The following NXPH1 variants were observed in gnomAD, a reference collection of about 807,000 sequenced individuals.
NXPH1 encodes neurexophilin 1.
In NXPH1, 5 loss-of-function variants were observed where a neutral mutation model predicts 23.7. The ratio of observed to expected loss-of-function variants is 0.21; its 90% confidence interval spans 0.11 to 0.44. NXPH1 has a LOEUF of 0.44. Ranked by LOEUF, NXPH1 falls within the 20% of genes least tolerant of loss-of-function variation. The probability of loss-of-function intolerance (pLI) is 0.99; values close to 1 mark genes in which losing one functional copy is unlikely to be tolerated. For missense variants in NXPH1, 324 were observed against 321.6 expected (o/e 1.01, Z -0.06); for synonymous variants, 144 against 122.2 (o/e 1.18, Z -1.18).
chr7:8,752,116 A>C lies in NXPH1; in HGVS notation c.*347A>C, dbSNP rs1780575678. On this transcript the variant is annotated 3_prime_UTR_variant, in exon 3 of 3. Transcript: ENST00000405863. ...GTCTGACTCATAATGGTTCAGGATCAACTATCATCAAACGGAAGGATTAAC... is the reference window on the plus strand; with the variant it reads ...GTCTGACTCATAATGGTTCAGGATCCACTATCATCAAACGGAAGGATTAAC... 1 of 208,390 alleles carries C rather than the reference A, an allele frequency of 4.8e-6. No homozygotes were observed. Among genetic ancestry groups the C allele is most frequent in the Non-Finnish European group, 9.9e-6 (1 of 101,478 alleles). 12.9% of individuals were successfully genotyped at this position (208,390 alleles called of 1,614,324 possible).
chr7:8,726,285 T>C (rs868704651), intron 2 of NXPH1, among the ~76,000 whole-genome samples: 2 of 152,088 alleles, frequency 1.3e-5, no homozygotes, highest in African/African-American at 2.4e-5. Context: ...TTTTCTTTTT[T>C]TTTTTTTACA....
In NXPH1 at chr7:8,545,865, T is replaced by C. The variant is rs920827147; in HGVS notation, c.54+110098T>C. On this transcript the variant is annotated intron_variant, in intron 2 of 2. Transcript: ENST00000405863. ...CATCAAGCTCTCATACAAGTTAGCT[T>C]ATGGCCAAATGGTCTGACACAGGCA... 4.6e-5 allele frequency among the ~76,000 whole-genome samples: 7 copies of C among 151,526 alleles called. No homozygotes were observed. In the South Asian group the frequency reaches 1.2e-3, roughly 27 times the overall value.
intron 2 of NXPH1, among the ~76,000 whole-genome samples, chr7:8,497,400 T>C (rs915360799): frequency 2.6e-5 from 4 of 152,190 alleles, no homozygotes; most frequent in East Asian, 1.9e-4. Context: ...CTGGGTCAAA[T>C]GGTATTTCTA....
rs144549585 is a variant in NXPH1 at position 8,631,815 on chromosome 7, T to G, written c.55-119193T>G. Among the ~76,000 whole-genome samples, 203 of 152,294 alleles carry G rather than the reference T, an allele frequency of 1.3e-3. 3 individuals carry two copies. Among genetic ancestry groups the G allele is most frequent in the African/African-American group, 4.6e-3 (193 of 41,548 alleles). On this transcript the variant is annotated intron_variant, in intron 2 of 2. Transcript: ENST00000405863. ...TCTTTAATTTCTAACATTCTCTTAT[T>G]AGAAGCAAGTTATACCTTAGAAGTG...
At chr7:8,566,015 C>T (rs1254863474) in intron 2 of NXPH1, among the ~76,000 whole-genome samples, 2 of 151,790 alleles carry the variant, frequency 1.3e-5, no homozygotes, top group Non-Finnish European at 2.9e-5. Flanking sequence ...TTGGGGCACC[C>T]TGGTTACTCC....
In NXPH1 at chr7:8,571,018, TATCTAATCTAATCTAATCTAATCTA is replaced by T. The variant is rs35589510; in HGVS notation, c.54+135288_54+135312del. The stretch of plus-strand genomic sequence containing the variant: ...ATATATGTCTGTCTATCTGTCTGTC[TATCTAATCTAATCTAATCTAATCTA>T]ATCTAATCTAATCTAATCTAATCTA... On this transcript the variant is annotated intron_variant, in intron 2 of 2. Transcript: ENST00000405863. 3.5e-3 allele frequency among the ~76,000 whole-genome samples: 510 copies of T among 145,978 alleles called. 3 individuals are homozygous for T. The highest frequency in any genetic ancestry group is 0.012 in the East Asian group (59 of 4,840).
chr7:8,499,722 G>T (rs1282386642), intron 2 of NXPH1, among the ~76,000 whole-genome samples: 1 of 152,020 alleles, frequency 6.6e-6, no homozygotes, highest in Non-Finnish European at 1.5e-5. Context: ...GAGGCCTAAG[G>T]AGCTCTCAAA....
chr7:8,446,689 C>T (rs139315761), intron 2 of NXPH1, among the ~76,000 whole-genome samples: 1 of 152,124 alleles, frequency 6.6e-6, no homozygotes, highest in South Asian at 2.1e-4. Context: ...TACATTTTCT[C>T]ATTTATTCTG....
At chr7:8,582,534 T>G (rs895064432) in intron 2 of NXPH1, among the ~76,000 whole-genome samples, 27 of 152,138 alleles carry the variant, frequency 1.8e-4, no homozygotes, top group African/African-American at 6.3e-4. Context: ...AGAGGAGACC[T>G]GCAGTGGGTA....
At chr7:8,689,484 C>A (rs1425345542) in intron 2 of NXPH1, among the ~76,000 whole-genome samples, 1 of 152,112 alleles carries the variant, frequency 6.6e-6, no homozygotes, top group Non-Finnish European at 1.5e-5. Context: ...GTGGGGGATC[C>A]TCGCTATGCA....
chr7:8,647,826 C>G (rs376674567), intron 2 of NXPH1, among the ~76,000 whole-genome samples: 2 of 150,490 alleles, frequency 1.3e-5, no homozygotes, highest in African/African-American at 4.9e-5. Context: ...AGTAATTTGG[C>G]CATTTTATCC....
At chr7:8,518,499 C>G (rs890682427) in intron 2 of NXPH1, among the ~76,000 whole-genome samples, 1 of 151,976 alleles carries the variant, frequency 6.6e-6, no homozygotes, top group African/African-American at 2.4e-5. Context: ...GCTTTCCGTC[C>G]CCTTGTTTAT....
chr7:8,557,643 T>C (rs1818381379), intron 2 of NXPH1, among the ~76,000 whole-genome samples: 1 of 151,672 alleles, frequency 6.6e-6, no homozygotes, highest in Non-Finnish European at 1.5e-5. Context: ...TTATTTCCTT[T>C]AATGGTATTT....
intron 2 of NXPH1, among the ~76,000 whole-genome samples, chr7:8,733,122 C>T (rs189375423): frequency 3.0e-4 from 45 of 152,000 alleles, no homozygotes; most frequent in South Asian, 1.0e-3. Flanking sequence ...AGTGAGAACA[C>T]GTGGTGTTTT....
chr7:8,569,891 T>G (rs970288581), intron 2 of NXPH1, among the ~76,000 whole-genome samples: 5 of 151,900 alleles, frequency 3.3e-5, no homozygotes, highest in African/African-American at 1.2e-4. Flanking sequence ...TCTATGGGCA[T>G]TCACCTCTGT....
At chr7:8,614,166 T>C (rs1266810802) in intron 2 of NXPH1, among the ~76,000 whole-genome samples, 1 of 151,938 alleles carries the variant, frequency 6.6e-6, no homozygotes, top group Non-Finnish European at 1.5e-5. Flanking sequence ...ATTTATTGAC[T>C]CGTCTCCCTT....
At chr7:8,646,329 C>A (rs1157690468) in intron 2 of NXPH1, among the ~76,000 whole-genome samples, 1 of 152,096 alleles carries the variant, frequency 6.6e-6, no homozygotes, top group Non-Finnish European at 1.5e-5. Context: ...ACGTTTATCT[C>A]ATATCCGACA....
intron 2 of NXPH1, among the ~76,000 whole-genome samples, chr7:8,678,486 A>G (rs1820990735): frequency 6.6e-6 from 1 of 152,044 alleles, no homozygotes; most frequent in South Asian, 2.1e-4. Context: ...CTCCAGTTGC[A>G]TCCTAGCTTC....
intron 2 of NXPH1, among the ~76,000 whole-genome samples, chr7:8,700,917 GAAATA>G (rs1408621618): frequency 6.6e-6 from 1 of 151,970 alleles, no homozygotes; most frequent in Non-Finnish European, 1.5e-5. Context: ...TTAAATGGTT[GAAATA>G]AAATAAAAAG....
Sources: allele counts gnomAD v4.1 joint callset (sites outside exome capture counted in the v4.1 genomes callset), GRCh38; gene constraint gnomAD v4.1.1; transcripts MANE v1.5; gene names NCBI Gene and HGNC (gene_info 2026-07-23, HGNC 2026-07-21).